CMTM8: variants seen among roughly 807,000 people sequenced by gnomAD.
The protein encoded by CMTM8 is CKLF-like MARVEL transmembrane domain-containing protein 8.
A neutral mutation model predicts 18.6 loss-of-function variants in CMTM8; 12 were observed. That is an observed-to-expected ratio of 0.65 (90% confidence interval 0.41 to 1.05). The LOEUF (loss-of-function observed/expected upper bound fraction) is 1.05. CMTM8 is among the 50% of genes least tolerant of loss of function. The pLI, the probability that CMTM8 is intolerant of heterozygous loss-of-function variation, is 0.00. For synonymous variants in CMTM8, 87 were observed against 90.6 expected, an observed-to-expected ratio of 0.96 and a Z score of 0.23; for missense variants, 217 against 227.2, an observed-to-expected ratio of 0.95 and a Z score of 0.29.
intron 2 of CMTM8, among the ~76,000 whole-genome samples, chr3:32,357,824 C>T (rs142744760): frequency 4.2e-4 from 64 of 152,296 alleles, no homozygotes; most frequent in African/African-American, 1.4e-3. Context: ...AGGTTCTCTC[C>T]ATTAGATTCT....
chr3:32,251,545 C>A (rs1210747297), intron 1 of CMTM8, among the ~76,000 whole-genome samples: 1 of 151,978 alleles, frequency 6.6e-6, no homozygotes. Flanking sequence ...AACTCCTGGG[C>A]TCAAGCAGTC....
At chr3:32,267,404 A>G (rs140267158) in intron 1 of CMTM8, among the ~76,000 whole-genome samples, 2,391 of 152,350 alleles carry the variant, frequency 0.016, 43 homozygotes, top group Middle Eastern at 0.051. Context: ...CCATATGTAG[A>G]AAGCTGAAAC....
In CMTM8 at chr3:32,346,364, T is replaced by C. The variant is rs1696595861; in HGVS notation, c.148-11009T>C. Among the ~76,000 whole-genome samples the C allele has an allele frequency of 2.0e-5, 3 of 152,352 alleles. No individual in the cohort carries two copies. The South Asian group carries it at 6.2e-4, about 32-fold the overall frequency. On this transcript the variant is annotated intron_variant, in intron 1 of 3. Coordinates refer to ENST00000307526, the MANE Select transcript of CMTM8 (RefSeq NM_178868.5). ...CATCTTCTGATTCAATTCTACATGTTAACTAGTCACTTCTTGTTACCTTCT... is the reference window on the plus strand; with the variant it reads ...CATCTTCTGATTCAATTCTACATGTCAACTAGTCACTTCTTGTTACCTTCT...
intron 2 of CMTM8, among the ~76,000 whole-genome samples, chr3:32,361,074 C>G (rs562199730): frequency 6.6e-6 from 1 of 152,174 alleles, no homozygotes; most frequent in Non-Finnish European, 1.5e-5. Flanking sequence ...TTCCACCTCC[C>G]GGGTTCAAGC....
chr3:32,305,503 A>G (rs1251025244), intron 1 of CMTM8, among the ~76,000 whole-genome samples: 2 of 152,216 alleles, frequency 1.3e-5, no homozygotes, highest in Non-Finnish European at 2.9e-5. Flanking sequence ...TTCCAAGAAA[A>G]TGAAGTCCTG....
intron 1 of CMTM8, among the ~76,000 whole-genome samples, chr3:32,323,006 C>T (rs1696087520): frequency 6.6e-6 from 1 of 152,162 alleles, no homozygotes; most frequent in South Asian, 2.1e-4. Context: ...GGCCCAGGTG[C>T]TGGTCCTGAG....
chr3:32,339,025 C>G (rs1041537258), intron 1 of CMTM8, among the ~76,000 whole-genome samples: 1 of 152,222 alleles, frequency 6.6e-6, no homozygotes, highest in African/African-American at 2.4e-5. Flanking sequence ...TGCAAGGCTG[C>G]TTGAGTGTCC....
intron 1 of CMTM8, among the ~76,000 whole-genome samples, chr3:32,284,120 G>A (rs1702644475): frequency 6.6e-6 from 1 of 152,166 alleles, no homozygotes; most frequent in African/African-American, 2.4e-5. Context: ...GGGTGTGGTG[G>A]CACATGCCTG....
At chr3:32,321,991 G>A (rs762169523) in intron 1 of CMTM8, among the ~76,000 whole-genome samples, 3 of 152,190 alleles carry the variant, frequency 2.0e-5, no homozygotes, top group Non-Finnish European at 4.4e-5. Context: ...ATGGGTTAGC[G>A]CCACTGTCTG....
At position 32,314,480 on chromosome 3, in the gene CMTM8, A is replaced by AT. The variant is rs57318880; in HGVS notation, c.148-42877dup. Among the ~76,000 whole-genome samples, 66 of 146,822 alleles carry AT rather than the reference A, an allele frequency of 4.5e-4. 2 individuals are homozygous for AT. The East Asian group carries it at 5.9e-3, about 13-fold the overall frequency. On this transcript the variant is annotated intron_variant, in intron 1 of 3. Coordinates refer to ENST00000307526, the MANE Select transcript of CMTM8 (RefSeq NM_178868.5). ...GTGGGTAGGCAGAGTAAGCCAGAAA[A>AT]TTTTTTTTTTTTTTTTAAAGACAGA...
At chr3:32,259,607 C>T (rs1420045964) in intron 1 of CMTM8, 35 of 1,223,710 alleles carry the variant, frequency 2.9e-5, no homozygotes, top group Non-Finnish European at 4.0e-5. Context: ...AGTAAAAGGC[C>T]TACAAGCCCA....
intron 1 of CMTM8, among the ~76,000 whole-genome samples, chr3:32,241,368 A>G (rs553047930): frequency 4.0e-5 from 6 of 150,458 alleles, no homozygotes; most frequent in Non-Finnish European, 7.4e-5. Flanking sequence ...TCAGCTTTAC[A>G]GATGTTGTAA....
In CMTM8 at chr3:32,319,074, A is replaced by ATTTTTTTTTTTTT. The variant is rs1177949113; in HGVS notation, c.148-38290_148-38278dup. Among the ~76,000 whole-genome samples the ATTTTTTTTTTTTT allele has an allele frequency of 3.5e-4, 11 of 31,526 alleles. 2 individuals are homozygous for ATTTTTTTTTTTTT. The East Asian group carries it at 7.8e-3, about 22-fold the overall frequency. The allele number at this position is 31,526 out of a possible 152,430, so 20.7% of individuals were successfully genotyped here. A position where few individuals can be genotyped will look rare whatever the true frequency, so the allele number is the denominator to read the frequency against. On this transcript the variant is annotated intron_variant, in intron 1 of 3. Transcript: ENST00000307526. ...TGTATATACATATATATATATATATATTTTTTTTTTTTTTTTTTTTTGAGA... is the reference window on the plus strand; with the variant it reads ...TGTATATACATATATATATATATATATTTTTTTTTTTTTTTTTTTTTTTTTTTTTTTTTTGAGA...
intron 1 of CMTM8, among the ~76,000 whole-genome samples, chr3:32,293,700 G>T (rs1161966311): frequency 2.0e-5 from 3 of 152,104 alleles, no homozygotes; most frequent in Non-Finnish European, 4.4e-5. Context: ...ACAAAAATTA[G>T]CCAGGTGTAG....
chr3:32,302,890 G>A (rs943329625), intron 1 of CMTM8, among the ~76,000 whole-genome samples: 1 of 152,168 alleles, frequency 6.6e-6, no homozygotes, highest in Admixed American at 6.5e-5. Flanking sequence ...TTTGAACAAA[G>A]GAACCCTGGG....
At chr3:32,330,688 C>G (rs1696259046) in intron 1 of CMTM8, among the ~76,000 whole-genome samples, 1 of 151,966 alleles carries the variant, frequency 6.6e-6, no homozygotes, top group African/African-American at 2.4e-5. Context: ...AGATCACTTT[C>G]CAAATGGTCT....
At chr3:32,286,892 T>C (rs1164586082) in intron 1 of CMTM8, among the ~76,000 whole-genome samples, 1 of 152,218 alleles carries the variant, frequency 6.6e-6, no homozygotes, top group African/African-American at 2.4e-5. Flanking sequence ...TGCTGTAGCG[T>C]GTTGTCCAGG....
chr3:32,250,254 A>G (rs1032706065), intron 1 of CMTM8, among the ~76,000 whole-genome samples: 1 of 152,252 alleles, frequency 6.6e-6, no homozygotes, highest in Non-Finnish European at 1.5e-5. Context: ...TGCCAGTACC[A>G]TGCTGTATTG....
intron 1 of CMTM8, among the ~76,000 whole-genome samples, chr3:32,288,765 G>A (rs1702729401): frequency 6.6e-6 from 1 of 152,204 alleles, no homozygotes; most frequent in African/African-American, 2.4e-5. Context: ...CTCCCAAAGT[G>A]CTGGGATTAC....
Sources: allele counts gnomAD v4.1 joint callset (sites outside exome capture counted in the v4.1 genomes callset), GRCh38; gene constraint gnomAD v4.1.1; transcripts MANE v1.5; gene names NCBI Gene and HGNC (gene_info 2026-07-23, HGNC 2026-07-21).